ZFP82: variants seen among roughly 807,000 people sequenced by gnomAD.
The protein encoded by ZFP82 is zinc finger protein 82 homolog.
A neutral mutation model predicts 54.0 loss-of-function variants in ZFP82; 30 were observed. The ratio of observed to expected loss-of-function variants is 0.56; its 90% CI spans 0.42 to 0.75. The LOEUF (loss-of-function observed/expected upper bound fraction) is 0.75. Ranked by LOEUF, ZFP82 falls within the 30% of genes least tolerant of loss-of-function variation. The probability of loss-of-function intolerance (pLI) is 0.00; values close to 1 mark genes in which losing one functional copy is unlikely to be tolerated. For missense variants in ZFP82, 500 were observed against 636.8 expected (o/e 0.79, Z 2.31); for synonymous variants, 194 against 209.5 (o/e 0.93, Z 0.64).
At position 36,392,693 on chromosome 19, in the gene ZFP82, T is replaced by C. The variant is rs1216912377; in HGVS notation, c.*48A>G. The stretch of plus-strand genomic sequence containing the variant: ...CATGTATGGAGCAAAATAGATTAAT[T>C]ACTACATTCATAGAATGTTCTATAA... On this transcript the variant is annotated 3_prime_UTR_variant, in exon 5 of 5. Coordinates refer to ENST00000392161, the MANE Select transcript of ZFP82 (RefSeq NM_133466.4). 2.0e-6 allele frequency: 3 copies of C among 1,475,730 alleles called. No homozygotes were observed. Among genetic ancestry groups the C allele is most frequent in the African/African-American group, 2.8e-5 (2 of 71,068 alleles). 91.4% of individuals were successfully genotyped at this position (1,475,730 alleles called of 1,614,324 possible). A position where few individuals can be genotyped will look rare whatever the true frequency, so the allele number is the denominator to read the frequency against.
downstream of ZFP82, among the ~76,000 whole-genome samples, chr19:36,385,730 G>T (rs2032107898): frequency 6.6e-6 from 1 of 152,172 alleles, no homozygotes. Flanking sequence ...TGGAATAAAG[G>T]CCATCCTTAT....
At position 36,416,670 on chromosome 19, in the gene ZFP82, C is replaced by T. The variant is rs565537773; in HGVS notation, c.-79+1822G>A. 1.1e-3 allele frequency among the ~76,000 whole-genome samples: 166 copies of T among 150,212 alleles called. 1 individual carries two copies. The highest frequency in any genetic ancestry group is 3.8e-3 in the African/African-American group (154 of 40,784). ...ACTAGGGTGGCTGAGGCAGGAGAAT[C>T]GCTTGAACCTGGGAGGCGGAGGTTG... On this transcript the variant is annotated intron_variant, in intron 1 of 4. Coordinates refer to ENST00000392161, the MANE Select transcript of ZFP82 (RefSeq NM_133466.4).
intron 1 of ZFP82, among the ~76,000 whole-genome samples, chr19:36,416,026 C>T (rs1339482577): frequency 6.6e-6 from 1 of 152,126 alleles, no homozygotes; most frequent in African/African-American, 2.4e-5. Flanking sequence ...TATGTATAAT[C>T]CTTGCAAAAT....
intron 4 of ZFP82, 53 bp downstream of exon 4, chr19:36,405,527 G>T (rs1228501125): frequency 1.5e-6 from 2 of 1,354,648 alleles, no homozygotes; most frequent in African/African-American, 2.9e-5. Context: ...CTCTTCCCCA[G>T]TGATCTGGGG....
At chr19:36,405,754 T>C in intron 3 of ZFP82, 82 bp from the exon 4 acceptor site, 1 of 1,013,484 alleles carries the variant, frequency 9.9e-7, no homozygotes, top group Non-Finnish European at 1.4e-6. Flanking sequence ...GGTTAAAGTA[T>C]ATGTCAAAAC....
In ZFP82 at chr19:36,389,492, CTTTTGT is replaced by C. The variant is rs998748737; in HGVS notation, c.*3243_*3248del. 1.1e-4 allele frequency among the ~76,000 whole-genome samples: 16 copies of C among 152,218 alleles called. No individual in the cohort carries two copies. The highest frequency in any genetic ancestry group is 1.8e-4 in the Non-Finnish European group (12 of 68,014). ...ATCTTGTTTCATCTATCCCTCCCAC[CTTTTGT>C]TTTTAAGTATTTAAAAGTAAATCAC... is the stretch of plus-strand genomic sequence containing the variant. On this transcript the variant is annotated 3_prime_UTR_variant, in exon 5 of 5. Transcript: ENST00000392161.
Position 36,392,570 on chromosome 19 carries a change from G to C in ZFP82, c.*171C>G, listed in dbSNP as rs2032218121. ...ATTCTTATAACAGGATTAGTTTTTA[G>C]AACAAATATGCTGAAGTTTCAGGTT... On this transcript the variant is annotated 3_prime_UTR_variant, in exon 5 of 5. Coordinates refer to ENST00000392161, the MANE Select transcript of ZFP82 (RefSeq NM_133466.4). 4 of 573,990 alleles carry C rather than the reference G, an allele frequency of 7.0e-6. No homozygotes were observed. Among genetic ancestry groups the C allele is most frequent in the Non-Finnish European group, 1.2e-5 (4 of 344,346 alleles). 35.6% of individuals were successfully genotyped at this position (573,990 alleles called of 1,614,324 possible).
chr19:36,412,498 T>C (rs532084325), intron 1 of ZFP82, among the ~76,000 whole-genome samples: 17 of 152,254 alleles, frequency 1.1e-4, no homozygotes, highest in South Asian at 2.1e-4. Context: ...GAACTGACTC[T>C]ATGATTTCTA....
chr19:36,397,341 C>G (rs1026167857), intron 4 of ZFP82, among the ~76,000 whole-genome samples: 1 of 152,038 alleles, frequency 6.6e-6, no homozygotes, highest in Non-Finnish European at 1.5e-5. Context: ...GACCCACCCG[C>G]CTCGGCCTCC....
downstream of ZFP82, among the ~76,000 whole-genome samples, chr19:36,385,709 G>A (rs184759863): frequency 9.9e-4 from 151 of 152,278 alleles, no homozygotes; most frequent in African/African-American, 3.4e-3. Flanking sequence ...GAGAAACAAG[G>A]TATTGGAAAC....
intron 4 of ZFP82, among the ~76,000 whole-genome samples, chr19:36,399,271 A>C (rs1185864850): frequency 6.6e-6 from 1 of 152,236 alleles, no homozygotes; most frequent in Non-Finnish European, 1.5e-5. Flanking sequence ...TCATATACCA[A>C]ATCACAAGGA....
At chr19:36,406,222 A>G (rs1568488707) in intron 3 of ZFP82, among the ~76,000 whole-genome samples, 3 of 152,212 alleles carry the variant, frequency 2.0e-5, no homozygotes, top group Non-Finnish European at 4.4e-5. Flanking sequence ...AATTAAATGT[A>G]AAGTTCTTGG....
intron 1 of ZFP82, among the ~76,000 whole-genome samples, chr19:36,415,807 A>G (rs1358209757): frequency 6.6e-6 from 1 of 152,232 alleles, no homozygotes; most frequent in Non-Finnish European, 1.5e-5. Context: ...GGGAAAATAA[A>G]CAACAGTGTG....
chr19:36,403,632 A>AAC (rs1363598124), intron 4 of ZFP82, among the ~76,000 whole-genome samples: 1 of 151,564 alleles, frequency 6.6e-6, no homozygotes, highest in Non-Finnish European at 1.5e-5. Flanking sequence ...GAAAAAAAAA[A>AAC]AAAAAAACCT....
chr19:36,409,596 G>A (rs951830912), intron 2 of ZFP82, among the ~76,000 whole-genome samples, 185 bp downstream of exon 2: 1 of 151,944 alleles, frequency 6.6e-6, no homozygotes, highest in Non-Finnish European at 1.5e-5. Flanking sequence ...GTTCAACAAA[G>A]ATAAGAACAA....
chr19:36,404,185 C>T (rs930106932), intron 4 of ZFP82, among the ~76,000 whole-genome samples: 5 of 152,076 alleles, frequency 3.3e-5, no homozygotes, highest in Non-Finnish European at 5.9e-5. Flanking sequence ...TATTAAAGAC[C>T]GAAGTAAAAG....
At chr19:36,402,065 A>G (rs1226657714) in intron 4 of ZFP82, among the ~76,000 whole-genome samples, 1 of 152,248 alleles carries the variant, frequency 6.6e-6, no homozygotes, top group African/African-American at 2.4e-5. Context: ...TATTTTGGCT[A>G]AATGCTTCCT....
At chr19:36,400,689 C>G (rs2032368365) in intron 4 of ZFP82, among the ~76,000 whole-genome samples, 1 of 152,198 alleles carries the variant, frequency 6.6e-6, no homozygotes, top group Non-Finnish European at 1.5e-5. Flanking sequence ...ATGCCTTTCT[C>G]TACTGCACTG....
chr19:36,401,795 G>A (rs2032389149), intron 4 of ZFP82, among the ~76,000 whole-genome samples: 1 of 152,162 alleles, frequency 6.6e-6, no homozygotes. Flanking sequence ...GGCCGTCTTT[G>A]TTATTCCTCA....
Sources: gnomAD v4.1 joint callset for allele counts (sites outside exome capture counted in the v4.1 genomes callset) on GRCh38, gnomAD v4.1.1 for gene constraint, MANE v1.5 for transcripts, NCBI Gene and HGNC (gene_info 2026-07-23, HGNC 2026-07-21) for gene names.